DGKB: variants seen among roughly 807,000 people sequenced by gnomAD.
The protein encoded by DGKB is diacylglycerol kinase beta.
DGKB carries 67 observed loss-of-function variants against 114.3 expected under a neutral mutation model. That is an observed-to-expected ratio of 0.59 (90% CI 0.48 to 0.72). The LOEUF is 0.72. Ranked by LOEUF, DGKB falls within the 30% of genes least tolerant of loss-of-function variation. The pLI is 0.00. For missense variants in DGKB, 907 were observed against 975.2 expected (o/e 0.93, Z 0.93); for synonymous variants, 398 against 323.1 (o/e 1.23, Z -2.49).
chr7:14,926,281 C>T (rs898457784), intron 1 of DGKB, among the ~76,000 whole-genome samples: 1 of 151,882 alleles, frequency 6.6e-6, no homozygotes, highest in Non-Finnish European at 1.5e-5. Context: ...ACAACCACAC[C>T]ATTTGATTCA....
chr7:14,837,212 A>G (rs1847280426), intron 2 of DGKB, among the ~76,000 whole-genome samples: 1 of 152,210 alleles, frequency 6.6e-6, no homozygotes, highest in Non-Finnish European at 1.5e-5. Context: ...GGTATGCTAG[A>G]TACCTATCCA....
intron 21 of DGKB, among the ~76,000 whole-genome samples, chr7:14,384,719 C>T (rs1196652358): frequency 1.3e-5 from 2 of 152,198 alleles, no homozygotes; most frequent in Admixed American, 6.5e-5. Context: ...TGGTTCTCAA[C>T]TGGGGTCAAT....
intron 21 of DGKB, among the ~76,000 whole-genome samples, chr7:14,442,118 A>G (rs751497970): frequency 3.3e-5 from 5 of 152,020 alleles, no homozygotes; most frequent in Non-Finnish European, 5.9e-5. Flanking sequence ...ATTTGTAAGT[A>G]TGCTTCAGAA....
intron 13 of DGKB, among the ~76,000 whole-genome samples, chr7:14,631,798 T>C (rs1402279500): frequency 6.6e-6 from 1 of 152,046 alleles, no homozygotes; most frequent in South Asian, 2.1e-4. Context: ...AAGGTCTGAA[T>C]AAAATTGCAA....
chr7:14,362,872 G>T (rs905398538), intron 21 of DGKB, among the ~76,000 whole-genome samples: 2 of 152,098 alleles, frequency 1.3e-5, no homozygotes, highest in African/African-American at 4.8e-5. Flanking sequence ...AGACTGTGCT[G>T]CTGCTTCTCC....
intron 21 of DGKB, among the ~76,000 whole-genome samples, chr7:14,429,687 C>T (rs1412116863): frequency 6.6e-6 from 1 of 152,078 alleles, no homozygotes; most frequent in East Asian, 1.9e-4. Context: ...CTTTGAGAGG[C>T]CAAGGTGGGC....
chr7:14,739,748 C>T (rs1564068847), intron 4 of DGKB, among the ~76,000 whole-genome samples: 1 of 152,172 alleles, frequency 6.6e-6, no homozygotes, highest in Non-Finnish European at 1.5e-5. Flanking sequence ...GCACCCCTTG[C>T]GTCACTCTTG....
chr7:14,650,875 G>T (rs942670539), intron 13 of DGKB, among the ~76,000 whole-genome samples: 3 of 151,718 alleles, frequency 2.0e-5, no homozygotes, highest in African/African-American at 2.4e-5. Flanking sequence ...ACACCTCTAC[G>T]CAAATAAACT....
intron 16 of DGKB, 94 bp from the exon 17 acceptor site, chr7:14,607,602 C>T (rs1804759036): frequency 2.5e-6 from 1 of 407,670 alleles, no homozygotes; most frequent in Non-Finnish European, 4.4e-6. Flanking sequence ...TATATAGTTG[C>T]AATTAATTAT....
At chr7:14,307,360 T>C (rs1804658670) in intron 23 of DGKB, among the ~76,000 whole-genome samples, 3 of 152,192 alleles carry the variant, frequency 2.0e-5, no homozygotes. Flanking sequence ...AAGGATGTGG[T>C]GTTATAAGCT....
At chr7:14,232,379 A>C (rs60534196) in intron 23 of DGKB, among the ~76,000 whole-genome samples, 5 of 143,254 alleles carry the variant, frequency 3.5e-5, no homozygotes, top group South Asian at 2.2e-4. Context: ...TAGTGAAAAA[A>C]AAAAAAAAGA....
At chr7:14,181,542 A>C (rs1041997989) in intron 23 of DGKB, among the ~76,000 whole-genome samples, 1 of 152,234 alleles carries the variant, frequency 6.6e-6, no homozygotes, top group Non-Finnish European at 1.5e-5. Flanking sequence ...AAAGTAGAAC[A>C]GTTTAACATT....
intron 1 of DGKB, among the ~76,000 whole-genome samples, chr7:14,932,734 C>T (rs1587407413): frequency 6.6e-6 from 1 of 152,250 alleles, no homozygotes; most frequent in Middle Eastern, 3.4e-3. Context: ...GCAGCTATAG[C>T]ACCTAAGGCT....
intron 13 of DGKB, among the ~76,000 whole-genome samples, 155 bp from the exon 14 acceptor site, chr7:14,630,423 A>T (rs566472575): frequency 5.9e-5 from 9 of 152,234 alleles, no homozygotes; most frequent in Admixed American, 5.9e-4. Context: ...TGAATTAAAT[A>T]ATTAAATATC....
At position 14,175,820 on chromosome 7, in the gene DGKB, G is replaced by T. The variant is rs1008625222; in HGVS notation, c.2304+1019C>A. Reference sequence around the variant, plus strand: ...CACCCTCCTTAGTGTCTTTTTTTTGGGGGGGATGGAATTTCACTCTGTCAC... The same window carrying T: ...CACCCTCCTTAGTGTCTTTTTTTTGTGGGGGATGGAATTTCACTCTGTCAC... On this transcript the variant is annotated intron_variant, in intron 25 of 25. Transcript: ENST00000402815. Among the ~76,000 whole-genome samples, 8 of 151,554 alleles carry T rather than the reference G, an allele frequency of 5.3e-5. 1 individual carries two copies. In the South Asian group the frequency reaches 6.3e-4, roughly 12 times the overall value.
At chr7:14,630,165 T>A (rs1809426757) in intron 14 of DGKB, 71 bp downstream of exon 14, 1 of 1,003,528 alleles carries the variant, frequency 1.0e-6, no homozygotes, top group African/African-American at 1.7e-5. Context: ...GCACAAAATG[T>A]TCTTTACAGC....
chr7:14,155,440 G>C lies in DGKB; in HGVS notation c.2305-6202C>G, dbSNP rs139302935. 4.9e-4 allele frequency among the ~76,000 whole-genome samples: 75 copies of C among 152,128 alleles called. No homozygotes were observed. In the East Asian group the frequency reaches 0.014, roughly 27 times the overall value. Reference sequence around the variant, plus strand: ...TAGGGATATTTTCAGGGTACAATAAGATTGAAAAAATATGCCATTTAGATC... The same window carrying C: ...TAGGGATATTTTCAGGGTACAATAACATTGAAAAAATATGCCATTTAGATC... On this transcript the variant is annotated intron_variant, in intron 25 of 25. Coordinates refer to ENST00000402815, the MANE Select transcript of DGKB (RefSeq NM_001350709.2).
intron 23 of DGKB, among the ~76,000 whole-genome samples, chr7:14,318,322 A>T (rs1157240939): frequency 1.3e-5 from 2 of 151,398 alleles, no homozygotes; most frequent in Non-Finnish European, 2.9e-5. Flanking sequence ...TGCACAGCAA[A>T]AGAAACTACC....
chr7:14,300,299 G>A (rs1032849593), intron 23 of DGKB, among the ~76,000 whole-genome samples: 2 of 151,910 alleles, frequency 1.3e-5, no homozygotes, highest in African/African-American at 4.8e-5. Flanking sequence ...TCATCAATCT[G>A]ACTTTGTTTT....
Sources: gnomAD v4.1 joint callset for allele counts (sites outside exome capture counted in the v4.1 genomes callset) on GRCh38, gnomAD v4.1.1 for gene constraint, MANE v1.5 for transcripts, NCBI Gene and HGNC (gene_info 2026-07-23, HGNC 2026-07-21) for gene names.